Variants in SUMF1 observed in about 807,000 individuals in gnomAD.
The protein encoded by SUMF1 is formylglycine-generating enzyme.
In SUMF1, 48 loss-of-function variants were observed where a neutral mutation model predicts 47.6. The observed-to-expected ratio is 1.01, with a 90% CI of 0.80 to 1.28. The LOEUF (loss-of-function observed/expected upper bound fraction) is 1.28, where lower values mean the gene tolerates loss of function less well. Ranked by LOEUF, SUMF1 falls within the 50% of genes most tolerant of loss-of-function variation. The pLI, the probability that SUMF1 is intolerant of heterozygous loss-of-function variation, is 0.00. For missense variants in SUMF1, 571 were observed against 485.4 expected (o/e 1.18, Z -1.66); for synonymous variants, 230 against 192.1 (o/e 1.20, Z -1.63).
At chr3:4,355,206 A>T (rs1252765094) in intron 8 of SUMF1, among the ~76,000 whole-genome samples, 1 of 152,188 alleles carries the variant, frequency 6.6e-6, no homozygotes, top group Non-Finnish European at 1.5e-5. Flanking sequence ...AATAAAAAAA[A>T]CTAGCTGGGC....
intron 8 of SUMF1, among the ~76,000 whole-genome samples, chr3:4,274,557 C>G (rs1486557912): frequency 6.6e-6 from 1 of 152,094 alleles, no homozygotes; most frequent in African/African-American, 2.4e-5. Flanking sequence ...ACTATATAAA[C>G]AAGATAATAC....
intron 1 of SUMF1, among the ~76,000 whole-genome samples, chr3:4,457,310 C>CAATGTAATTTCTATCA (rs2079689150): frequency 6.6e-6 from 1 of 151,848 alleles, no homozygotes; most frequent in East Asian, 1.9e-4. Flanking sequence ...GGCCAGGATT[C>CAATGTAATTTCTATCA]AATGTAATTT....
chr3:4,382,933 T>A (rs1343883774), intron 7 of SUMF1, among the ~76,000 whole-genome samples: 1 of 151,892 alleles, frequency 6.6e-6, no homozygotes, highest in Non-Finnish European at 1.5e-5. Flanking sequence ...GGTCAGAGAC[T>A]AGGGGAGGGA....
intron 8 of SUMF1, among the ~76,000 whole-genome samples, chr3:4,306,162 G>A (rs1324021715): frequency 6.6e-6 from 1 of 152,146 alleles, no homozygotes. Flanking sequence ...GTGCGTTTGA[G>A]ACTATTCTAT....
At position 4,178,450 on chromosome 3, in the gene SUMF1, T is replaced by C. The variant is rs1019880770; in HGVS notation, c.1015-109705A>G. On this transcript the variant is annotated intron_variant and NMD_transcript_variant, in intron 8 of 12. Coordinates refer to the SUMF1 transcript ENST00000448413. ...ACCAATGACAAAAACCACATGATTATCTCAATAGATGCAGAAAAGGCCTTT... is the reference window on the plus strand; with the variant it reads ...ACCAATGACAAAAACCACATGATTACCTCAATAGATGCAGAAAAGGCCTTT... Among the ~76,000 whole-genome samples, 13 of 152,272 alleles carry C rather than the reference T, an allele frequency of 8.5e-5. No individual in the cohort carries two copies. The South Asian group carries it at 2.5e-3, about 29-fold the overall frequency.
chr3:4,366,772 T>C (rs1295308985), intron 8 of SUMF1, among the ~76,000 whole-genome samples: 2 of 148,724 alleles, frequency 1.3e-5, no homozygotes, highest in African/African-American at 5.0e-5. Context: ...ACTGCGTTCC[T>C]TTGGAGGAGG....
intron 8 of SUMF1, among the ~76,000 whole-genome samples, chr3:4,374,438 A>C (rs551315465): frequency 0.014 from 2,109 of 152,330 alleles, 42 homozygotes; most frequent in African/African-American, 0.044. Flanking sequence ...GGAAGCTTAT[A>C]AAAATGTAGA....
intron 8 of SUMF1, among the ~76,000 whole-genome samples, chr3:4,240,836 C>T (rs1696520577): frequency 6.6e-6 from 1 of 151,416 alleles, no homozygotes; most frequent in Non-Finnish European, 1.5e-5. Context: ...AATATGTATT[C>T]ATTTTATAAT....
chr3:4,292,775 G>A (rs1451015398), intron 8 of SUMF1, among the ~76,000 whole-genome samples: 3 of 152,140 alleles, frequency 2.0e-5, no homozygotes, highest in Non-Finnish European at 4.4e-5. Flanking sequence ...TGAACTGCTT[G>A]TTTAATTTAC....
At chr3:4,444,800 GACCA>G (rs936776585) in intron 3 of SUMF1, among the ~76,000 whole-genome samples, 6 of 152,174 alleles carry the variant, frequency 3.9e-5, no homozygotes, top group Non-Finnish European at 5.9e-5. Context: ...TAGAAACAAT[GACCA>G]ACCTAATAGC....
chr3:4,159,684 T>C (rs1417999327), intron 8 of SUMF1, among the ~76,000 whole-genome samples: 2 of 152,160 alleles, frequency 1.3e-5, no homozygotes, highest in Admixed American at 6.5e-5. Context: ...TAACATCCTT[T>C]TCTTAACCCT....
chr3:4,312,729 T>C (rs1698458329), intron 8 of SUMF1, among the ~76,000 whole-genome samples: 1 of 151,110 alleles, frequency 6.6e-6, no homozygotes, highest in African/African-American at 2.4e-5. Context: ...AAACTTGTTT[T>C]ATTGAAGAGA....
chr3:4,195,784 CT>C (rs942245248), intron 8 of SUMF1, among the ~76,000 whole-genome samples: 10 of 151,012 alleles, frequency 6.6e-5, no homozygotes, highest in Non-Finnish European at 1.5e-4. Flanking sequence ...AAAGCTAGGA[CT>C]TTTTTTTTCA....
At chr3:4,311,004 G>A (rs1698384913) in intron 8 of SUMF1, among the ~76,000 whole-genome samples, 1 of 152,194 alleles carries the variant, frequency 6.6e-6, no homozygotes, top group African/African-American at 2.4e-5. Flanking sequence ...GACTGATAGA[G>A]CATCATTTTC....
intron 8 of SUMF1, among the ~76,000 whole-genome samples, chr3:4,134,573 G>A (rs1181328933): frequency 6.6e-6 from 1 of 152,000 alleles, no homozygotes; most frequent in African/African-American, 2.4e-5. Context: ...AGAAGCAAGA[G>A]CAAACACATT....
intron 7 of SUMF1, among the ~76,000 whole-genome samples, chr3:4,379,984 G>C (rs1280427615): frequency 1.3e-5 from 2 of 152,048 alleles, no homozygotes; most frequent in African/African-American, 2.4e-5. Flanking sequence ...AATTAACAGT[G>C]TCTCTCATGA....
At chr3:4,072,868 C>G (rs757917973) in intron 8 of SUMF1, among the ~76,000 whole-genome samples, 1 of 152,120 alleles carries the variant, frequency 6.6e-6, no homozygotes, top group Non-Finnish European at 1.5e-5. Context: ...ACTGGTGTAC[C>G]TGAAAGGGAT....
intron 9 of SUMF1, among the ~76,000 whole-genome samples, chr3:4,046,281 C>A (rs73117894): frequency 6.6e-6 from 1 of 151,954 alleles, no homozygotes; most frequent in East Asian, 1.9e-4. Flanking sequence ...AGCTTTCGTA[C>A]CTAAGAATCA....
intron 8 of SUMF1, among the ~76,000 whole-genome samples, chr3:4,253,906 C>G (rs1339139519): frequency 6.7e-6 from 1 of 150,086 alleles, no homozygotes. Context: ...CAGCACGCAG[C>G]TGGAGATCTG....
Sources: allele counts gnomAD v4.1 joint callset (sites outside exome capture counted in the v4.1 genomes callset), GRCh38; gene constraint gnomAD v4.1.1; transcripts MANE v1.5; gene names NCBI Gene and HGNC (gene_info 2026-07-23, HGNC 2026-07-21).